The following MSI2 variants were observed in gnomAD, a reference collection of about 807,000 sequenced individuals.
MSI2 encodes the protein musashi RNA binding protein 2.
In MSI2, 17 loss-of-function variants were observed where a neutral mutation model predicts 45.6. The observed-to-expected ratio is 0.37, with a 90% CI of 0.26 to 0.56. MSI2 has a LOEUF of 0.56. Among genes scored for constraint, MSI2 ranks in the 20% least tolerant of loss-of-function variants. The pLI, the probability that MSI2 is intolerant of heterozygous loss-of-function variation, is 0.77. For missense variants in MSI2, 293 were observed against 444.2 expected, an observed-to-expected ratio of 0.66 and a Z score of 3.06; for synonymous variants, 156 against 158.2, an observed-to-expected ratio of 0.99 and a Z score of 0.11.
At chr17:57,442,981 C>T (rs927269999) in intron 6 of MSI2, among the ~76,000 whole-genome samples, 4 of 152,194 alleles carry the variant, frequency 2.6e-5, no homozygotes, top group African/African-American at 7.2e-5. Flanking sequence ...GGTTACTTCC[C>T]ACCTGCCAGC....
At chr17:57,335,944 TC>T (rs1434567235) in intron 5 of MSI2, among the ~76,000 whole-genome samples, 1 of 152,196 alleles carries the variant, frequency 6.6e-6, no homozygotes, top group Non-Finnish European at 1.5e-5. Context: ...TGTAAGACTC[TC>T]ATAAGGACTT....
rs1913477846 is a variant in MSI2 at position 57,679,615 on chromosome 17, C to T, written c.*98C>T. On this transcript the variant is annotated 3_prime_UTR_variant, in exon 14 of 14. Transcript: ENST00000284073. ...AGTGGCCCTTTGTTTAGGTGATGTC[C>T]TCAGACCTGGACCCCCACCAGCCTC... 1.9e-6 allele frequency: 2 copies of T among 1,063,552 alleles called. No individual in the cohort carries two copies. Among genetic ancestry groups the T allele is most frequent in the East Asian group, 5.0e-5 (1 of 19,856 alleles). 65.9% of individuals were successfully genotyped at this position (1,063,552 alleles called of 1,614,324 possible).
Position 57,256,792 on chromosome 17 carries a change from A to G in MSI2, c.50A>G (p.Gln17Arg). ...ACCTCGGGCAGCGCCAACGACTCCC[A>G]GCACGACCCCGGGTAAGTTTCCAGC... is the stretch of plus-strand genomic sequence containing the variant. ...QGTSGSANDSQHDPGKMFIGG... is the reference protein window; with the variant it reads ...QGTSGSANDSRHDPGKMFIGG... Residue 17 changes from glutamine to arginine, a missense_variant, in exon 1 of 14, where the codon CAG becomes CGG. Physicochemically the swap from Gln to Arg is conservative, Grantham distance 43. Transcript: ENST00000284073. 6.8e-7 allele frequency: 1 copy of G among 1,478,072 alleles called. No homozygotes were observed. The highest frequency in any genetic ancestry group is 9.0e-7 in the Non-Finnish European group (1 of 1,116,508). 91.6% of individuals were successfully genotyped at this position (1,478,072 alleles called of 1,614,324 possible). A position where few individuals can be genotyped will look rare whatever the true frequency, so the allele number is the denominator to read the frequency against.
At chr17:57,664,527 G>GA (rs946822552) in intron 11 of MSI2, among the ~76,000 whole-genome samples, 18 of 149,728 alleles carry the variant, frequency 1.2e-4, no homozygotes, top group East Asian at 5.9e-4. Context: ...CAAAAAAGGG[G>GA]AAAAAAAAAG....
At position 57,627,361 on chromosome 17, in the gene MSI2, G is replaced by T; in HGVS notation, c.727+58G>T. On this transcript the variant is annotated intron_variant, in intron 10 of 13. Coordinates refer to ENST00000284073, the MANE Select transcript of MSI2 (RefSeq NM_138962.4). This position sits in a 1 kb window ranked among gnomAD's most constrained non-coding sequence, Gnocchi z 4.6. ...CACAAGAGGTGGGCTGCATTTGCGGGGAGGTGAGAGGACCCCTAAAGAGAA... is the reference window on the plus strand; with the variant it reads ...CACAAGAGGTGGGCTGCATTTGCGGTGAGGTGAGAGGACCCCTAAAGAGAA... 7.1e-7 allele frequency: 1 copy of T among 1,414,408 alleles called. No homozygotes were observed. The highest frequency in any genetic ancestry group is 1.1e-5 in the South Asian group (1 of 87,018). The allele number at this position is 1,414,408 out of a possible 1,614,324, so 87.6% of individuals were successfully genotyped here.
intron 13 of MSI2, 113 bp from the exon 14 acceptor site, chr17:57,679,436 C>T (rs1423262825): frequency 4.8e-6 from 2 of 413,290 alleles, no homozygotes; most frequent in Non-Finnish European, 6.8e-6. Context: ...ATCTTTGAAA[C>T]TCTAGTTAAA....
chr17:57,553,258 AG>A (rs1453512923), intron 7 of MSI2, among the ~76,000 whole-genome samples: 1 of 152,218 alleles, frequency 6.6e-6, no homozygotes, highest in Admixed American at 6.5e-5. Flanking sequence ...GTGGATGCCA[AG>A]GCTCGACCAG....
At chr17:57,272,351 G>A (rs1314229285) in intron 5 of MSI2, among the ~76,000 whole-genome samples, 2 of 152,146 alleles carry the variant, frequency 1.3e-5, no homozygotes, top group South Asian at 2.1e-4. Context: ...GCTGGGCGGC[G>A]TGTCAGGCCA....
At chr17:57,608,461 C>T (rs1906882723) in intron 8 of MSI2, 1 of 152,384 alleles carries the variant, frequency 6.6e-6, no homozygotes, top group South Asian at 2.1e-4. Context: ...CTCCCCGGGC[C>T]ACTTCACCTC....
rs187604541 is a variant in MSI2, at chr17:57,562,784, T to A, written c.454+33060T>A. On this transcript the variant is annotated intron_variant, in intron 7 of 13. Coordinates refer to ENST00000284073, the MANE Select transcript of MSI2 (RefSeq NM_138962.4). ...CTTGGTGTGTGAATTGCACACGGAC[T>A]ATTTTTTTTTCCTTTTTTAAAAATG... Among the ~76,000 whole-genome samples the A allele has an allele frequency of 3.2e-3, 486 of 151,296 alleles. 4 individuals carry two copies. The highest frequency in any genetic ancestry group is 0.011 in the African/African-American group (468 of 40,980).
chr17:57,547,177 G>A (rs2087189117), intron 7 of MSI2, among the ~76,000 whole-genome samples: 1 of 152,186 alleles, frequency 6.6e-6, no homozygotes. Context: ...GTGTTGGTAG[G>A]ACAGGTGGAG....
chr17:57,481,527 C>A (rs2085647457), intron 6 of MSI2, among the ~76,000 whole-genome samples: 1 of 152,160 alleles, frequency 6.6e-6, no homozygotes. Context: ...GTAACTAGGT[C>A]TCTTTGGGAA....
At chr17:57,310,059 TG>T (rs913904260) in intron 5 of MSI2, among the ~76,000 whole-genome samples, 1 of 152,194 alleles carries the variant, frequency 6.6e-6, no homozygotes, top group Non-Finnish European at 1.5e-5. Flanking sequence ...CCGGCTGGCC[TG>T]GAAGTCCAGG....
At chr17:57,433,463 G>A (rs995870460) in intron 6 of MSI2, among the ~76,000 whole-genome samples, 2 of 152,154 alleles carry the variant, frequency 1.3e-5, no homozygotes, top group Non-Finnish European at 1.5e-5. Context: ...ATTGCTAGGA[G>A]CCCCCAGAAG....
intron 4 of MSI2, among the ~76,000 whole-genome samples, chr17:57,258,681 A>C (rs79209666): frequency 5.9e-5 from 9 of 152,334 alleles, no homozygotes; most frequent in Admixed American, 1.3e-4. Context: ...TTGTCAGCCA[A>C]GCACAGCACG....
intron 5 of MSI2, among the ~76,000 whole-genome samples, chr17:57,389,276 C>G (rs2083743457): frequency 2.0e-5 from 3 of 152,006 alleles, no homozygotes; most frequent in African/African-American, 7.3e-5. Flanking sequence ...TGCGCCCGAG[C>G]CCCCTGCTCT....
At chr17:57,473,875 G>A (rs77641127) in intron 6 of MSI2, among the ~76,000 whole-genome samples, 2,056 of 152,340 alleles carry the variant, frequency 0.013, 58 homozygotes, top group African/African-American at 0.046. Context: ...GAGATGGTCT[G>A]CAGCCTTCCG....
At position 57,529,550 on chromosome 17, in the gene MSI2, AT is replaced by A. The variant is rs1038348796; in HGVS notation, c.406-120del. 6.1e-6 allele frequency: 5 copies of A among 816,516 alleles called. No individual in the cohort carries two copies. Among genetic ancestry groups the A allele is most frequent in the African/African-American group, 5.3e-5 (3 of 56,350 alleles). The allele number at this position is 816,516 out of a possible 1,614,324, so 50.6% of individuals were successfully genotyped here. Reference sequence around the variant, plus strand: ...TTTCTACTTTTTTGCATTTTCAAATATTTTTTGATAAGCAACTATTACTTCT... The same window carrying A: ...TTTCTACTTTTTTGCATTTTCAAATATTTTTGATAAGCAACTATTACTTCT... On this transcript the variant is annotated intron_variant, in intron 6 of 13. Coordinates refer to ENST00000284073, the MANE Select transcript of MSI2 (RefSeq NM_138962.4). The surrounding 1 kb of genome is among the most constrained non-coding windows in gnomAD (Gnocchi z 5.3).
At chr17:57,348,131 G>C (rs897717287) in intron 5 of MSI2, among the ~76,000 whole-genome samples, 88 of 152,356 alleles carry the variant, frequency 5.8e-4, no homozygotes, top group African/African-American at 2.0e-3. Flanking sequence ...TAAATGCTAA[G>C]TTCTGTGCAT....
Sources: gnomAD v4.1 joint callset for allele counts (sites outside exome capture counted in the v4.1 genomes callset) on GRCh38, gnomAD v4.1.1 for gene constraint, Gnocchi (gnomAD v3.1) non-coding constraint, MANE v1.5 for transcripts, NCBI Gene and HGNC (gene_info 2026-07-23, HGNC 2026-07-21) for gene names.